The following GRK5 variants were observed in gnomAD, a reference collection of about 807,000 sequenced individuals.
GRK5 encodes the protein g protein-coupled receptor kinase GRK5.
A neutral mutation model predicts 78.4 loss-of-function variants in GRK5; 40 were observed. That is an observed-to-expected ratio of 0.51 (90% CI 0.40 to 0.66). The LOEUF is 0.66. Among genes scored for constraint, GRK5 ranks in the 30% least tolerant of loss-of-function variants. GRK5 has a pLI of 0.00. For missense variants in GRK5, 598 were observed against 759.9 expected (o/e 0.79, Z 2.50); for synonymous variants, 289 against 296.8 (o/e 0.97, Z 0.27).
intron 1 of GRK5, among the ~76,000 whole-genome samples, chr10:119,219,967 G>A (rs1848634200): frequency 6.6e-6 from 1 of 152,212 alleles, no homozygotes. Context: ...AAGCCAAGCA[G>A]CTTGATCCTT....
chr10:119,259,665 A>G (rs180818458), intron 1 of GRK5, among the ~76,000 whole-genome samples: 4 of 152,320 alleles, frequency 2.6e-5, no homozygotes, highest in African/African-American at 7.2e-5. Flanking sequence ...AGCGCTGTCC[A>G]ATGGAACCTT....
At chr10:119,209,246 A>G (rs1382407728) in intron 1 of GRK5, among the ~76,000 whole-genome samples, 1 of 152,066 alleles carries the variant, frequency 6.6e-6, no homozygotes, top group Admixed American at 6.6e-5. Flanking sequence ...CGTTTCAGCA[A>G]CTCAACCCGG....
chr10:119,436,158 C>T (rs1230926084), intron 8 of GRK5, among the ~76,000 whole-genome samples: 1 of 152,238 alleles, frequency 6.6e-6, no homozygotes, highest in Non-Finnish European at 1.5e-5. Context: ...ACCATATCAA[C>T]TAGGCACATC....
chr10:119,450,493 G>A (rs188850981), intron 13 of GRK5, among the ~76,000 whole-genome samples: 7 of 152,336 alleles, frequency 4.6e-5, no homozygotes, highest in Non-Finnish European at 7.4e-5. Flanking sequence ...CGGGAAGATG[G>A]GAGAGTAGCG....
chr10:119,362,952 G>A (rs1275569877), intron 2 of GRK5, among the ~76,000 whole-genome samples: 2 of 152,298 alleles, frequency 1.3e-5, no homozygotes, highest in East Asian at 1.9e-4. Flanking sequence ...GAAGAAGGTG[G>A]GTATAGGGGA....
At chr10:119,410,666 C>A (rs923044654) in intron 4 of GRK5, among the ~76,000 whole-genome samples, 20 of 152,106 alleles carry the variant, frequency 1.3e-4, no homozygotes, top group African/African-American at 4.8e-4. Flanking sequence ...CTCAGTGCAA[C>A]CCTACCATCT....
intron 6 of GRK5, among the ~76,000 whole-genome samples, chr10:119,428,117 C>T (rs1052324774): frequency 3.3e-5 from 5 of 152,270 alleles, no homozygotes; most frequent in Non-Finnish European, 7.3e-5. Context: ...GCCATGCCCA[C>T]GCCCGGTTCT....
At chr10:119,214,666 C>T (rs1228337012) in intron 1 of GRK5, among the ~76,000 whole-genome samples, 13 of 151,982 alleles carry the variant, frequency 8.6e-5, no homozygotes, top group African/African-American at 2.9e-4. Flanking sequence ...ACTATAGGCT[C>T]GTGCCAACAT....
At chr10:119,423,001 G>A (rs1852600473) in intron 4 of GRK5, among the ~76,000 whole-genome samples, 165 bp from the exon 5 acceptor site, 1 of 152,260 alleles carries the variant, frequency 6.6e-6, no homozygotes, top group Admixed American at 6.5e-5. Context: ...CCTGAGCCAG[G>A]TGCAGCCTGG....
intron 3 of GRK5, among the ~76,000 whole-genome samples, chr10:119,387,372 C>T (rs1046392844): frequency 6.6e-6 from 1 of 152,120 alleles, no homozygotes; most frequent in African/African-American, 2.4e-5. Context: ...TTAATGACGG[C>T]CCAGGTGATT....
intron 1 of GRK5, among the ~76,000 whole-genome samples, chr10:119,280,373 C>T (rs1359698484): frequency 6.6e-6 from 1 of 152,122 alleles, no homozygotes; most frequent in African/African-American, 2.4e-5. Flanking sequence ...TGGAGTTTTT[C>T]TTGTTGGTTT....
At chr10:119,312,130 C>G (rs1173288894) in intron 1 of GRK5, among the ~76,000 whole-genome samples, 5 of 152,182 alleles carry the variant, frequency 3.3e-5, no homozygotes, top group Non-Finnish European at 7.3e-5. Flanking sequence ...CCAGGATGGT[C>G]TCGATCTCCT....
intron 1 of GRK5, among the ~76,000 whole-genome samples, chr10:119,262,319 T>C (rs1235771928): frequency 1.3e-5 from 2 of 149,782 alleles, no homozygotes; most frequent in African/African-American, 2.5e-5. Context: ...ATGAATGTTT[T>C]TAACTTTGGG....
In GRK5 at chr10:119,445,887, C is replaced by T. The variant is rs1853136162; in HGVS notation, c.1266+2135C>T. On this transcript the variant is annotated intron_variant, in intron 12 of 15. Coordinates refer to ENST00000392870, the MANE Select transcript of GRK5 (RefSeq NM_005308.3). This position sits in a 1 kb window ranked among gnomAD's most constrained non-coding sequence, Gnocchi z 4.1. ...AGTCTCTGGCCCCCAGGTCTGTCCC[C>T]CATTCTACCTTAGCAGCCGCAGAAC... is the stretch of plus-strand genomic sequence containing the variant. 6.6e-6 allele frequency among the ~76,000 whole-genome samples: 1 copy of T among 152,132 alleles called. No individual in the cohort carries two copies. Among genetic ancestry groups the T allele is most frequent in the Non-Finnish European group, 1.5e-5 (1 of 68,022 alleles).
chr10:119,208,675 C>CGTTTTCT (rs1848430184), intron 1 of GRK5: 1 of 152,088 alleles, frequency 6.6e-6, no homozygotes, highest in South Asian at 2.1e-4. Flanking sequence ...GCTTTAGATA[C>CGTTTTCT]GTTTTCTATG....
Position 119,430,755 on chromosome 10 carries a change from A to G in GRK5, c.597+317A>G, listed in dbSNP as rs552370764. 9.9e-5 allele frequency among the ~76,000 whole-genome samples: 15 copies of G among 152,214 alleles called. No homozygotes were observed. The East Asian group carries it at 1.4e-3, about 14-fold the overall frequency. ...GGGGAGGAGATGTGAGGGCGTGAGGAGGCTGGGCAACCTTGGCCACTCAGT... is the reference window on the plus strand; with the variant it reads ...GGGGAGGAGATGTGAGGGCGTGAGGGGGCTGGGCAACCTTGGCCACTCAGT... On this transcript the variant is annotated intron_variant, in intron 7 of 15. Coordinates refer to ENST00000392870, the MANE Select transcript of GRK5 (RefSeq NM_005308.3). This position sits in a 1 kb window ranked among gnomAD's most constrained non-coding sequence, Gnocchi z 4.5.
chr10:119,445,921 C>T lies in GRK5; in HGVS notation c.1266+2169C>T, dbSNP rs1177874662. 1.3e-5 allele frequency among the ~76,000 whole-genome samples: 2 copies of T among 150,324 alleles called. No individual in the cohort carries two copies. Among genetic ancestry groups the T allele is most frequent in the Non-Finnish European group, 3.0e-5 (2 of 67,192 alleles). Reference sequence around the variant, plus strand: ...CTTAGCAGCCGCAGAACCCACTCCCCCTCCTCTGGAGCCCAGAAATTCACA... The same window carrying T: ...CTTAGCAGCCGCAGAACCCACTCCCTCTCCTCTGGAGCCCAGAAATTCACA... On this transcript the variant is annotated intron_variant, in intron 12 of 15. Coordinates refer to ENST00000392870, the MANE Select transcript of GRK5 (RefSeq NM_005308.3). This position sits in a 1 kb window ranked among gnomAD's most constrained non-coding sequence, Gnocchi z 4.1.
At chr10:119,327,235 A>G (rs1850694881) in intron 2 of GRK5, among the ~76,000 whole-genome samples, 1 of 152,182 alleles carries the variant, frequency 6.6e-6, no homozygotes, top group East Asian at 1.9e-4. Flanking sequence ...CACCTCCAAG[A>G]GCAGCCAACC....
At chr10:119,285,757 A>G (rs1849838413) in intron 1 of GRK5, among the ~76,000 whole-genome samples, 1 of 152,164 alleles carries the variant, frequency 6.6e-6, no homozygotes, top group Non-Finnish European at 1.5e-5. Context: ...GTTTTATAAA[A>G]GCCATATCCG....
Sources: gnomAD v4.1 joint callset for allele counts (sites outside exome capture counted in the v4.1 genomes callset) on GRCh38, gnomAD v4.1.1 for gene constraint, Gnocchi (gnomAD v3.1) non-coding constraint, MANE v1.5 for transcripts, NCBI Gene and HGNC (gene_info 2026-07-23, HGNC 2026-07-21) for gene names.